KCNB2: variants seen among roughly 807,000 people sequenced by gnomAD.
KCNB2 encodes the protein delayed rectifier potassium channel protein.
KCNB2 carries 15 observed loss-of-function variants against 61.5 expected under a neutral mutation model. The ratio of observed to expected loss-of-function variants is 0.24; its 90% confidence interval spans 0.16 to 0.38. KCNB2 has a LOEUF of 0.38. Among genes scored for constraint, KCNB2 ranks in the 10% least tolerant of loss-of-function variants. KCNB2 has a pLI of 1.00. For synonymous variants in KCNB2, 457 were observed against 446.0 expected (o/e 1.02, Z -0.31); for missense variants, 828 against 1,125.2 (o/e 0.74, Z 3.78).
intron 2 of KCNB2, among the ~76,000 whole-genome samples, chr8:72,868,316 A>G (rs1202995933): frequency 6.6e-6 from 1 of 151,796 alleles, no homozygotes; most frequent in Non-Finnish European, 1.5e-5. Flanking sequence ...GCAGTGGCTC[A>G]CACCTGTAAT....
chr8:72,659,754 A>C (rs552640147), intron 2 of KCNB2, among the ~76,000 whole-genome samples: 1 of 152,292 alleles, frequency 6.6e-6, no homozygotes, highest in East Asian at 1.9e-4. Flanking sequence ...ACCAGCAAAA[A>C]CTCATTGAAG....
chr8:72,694,263 A>G lies in KCNB2; in HGVS notation c.579+125950A>G, dbSNP rs748546017. ...GGCTAGGACAAAGACTGGCTTTTAG[A>G]GGCAAATCAGTGAGTTTGCATGTGA... is the stretch of plus-strand genomic sequence containing the variant. On this transcript the variant is annotated intron_variant, in intron 2 of 2. Coordinates refer to ENST00000523207, the MANE Select transcript of KCNB2 (RefSeq NM_004770.3). Among the ~76,000 whole-genome samples the G allele has an allele frequency of 5.5e-4, 84 of 152,198 alleles. 2 individuals are homozygous for G. Among genetic ancestry groups the G allele is most frequent in the South Asian group, 4.1e-4 (2 of 4,832 alleles).
At chr8:72,885,809 A>G (rs981532636) in intron 2 of KCNB2, among the ~76,000 whole-genome samples, 1 of 152,040 alleles carries the variant, frequency 6.6e-6, no homozygotes, top group African/African-American at 2.4e-5. Context: ...TATTTTTGAG[A>G]TAGCATGTAG....
intron 2 of KCNB2, among the ~76,000 whole-genome samples, chr8:72,774,893 C>T (rs941447972): frequency 1.3e-5 from 2 of 152,014 alleles, no homozygotes; most frequent in African/African-American, 4.8e-5. Flanking sequence ...AATGAAATCT[C>T]CTGGGCTCCA....
intron 2 of KCNB2, among the ~76,000 whole-genome samples, chr8:72,672,107 A>G (rs1293525121): frequency 6.6e-6 from 1 of 152,180 alleles, no homozygotes; most frequent in Non-Finnish European, 1.5e-5. Context: ...CTAGCAAGGA[A>G]GTGACAATTC....
chr8:72,812,820 G>C (rs1050388191), intron 2 of KCNB2, among the ~76,000 whole-genome samples: 1 of 152,076 alleles, frequency 6.6e-6, no homozygotes, highest in African/African-American at 2.4e-5. Context: ...ACATTGATAT[G>C]CATAAGTTCT....
At chr8:72,911,612 T>G (rs1217491851) in intron 2 of KCNB2, among the ~76,000 whole-genome samples, 1 of 152,226 alleles carries the variant, frequency 6.6e-6, no homozygotes, top group Non-Finnish European at 1.5e-5. Context: ...GCCAGGACTT[T>G]CCAGCTGTCA....
intron 2 of KCNB2, among the ~76,000 whole-genome samples, chr8:72,927,753 T>C (rs556207619): frequency 6.6e-6 from 1 of 152,352 alleles, no homozygotes; most frequent in Admixed American, 6.5e-5. Context: ...TATACCCTTA[T>C]ATGCAGCAGT....
At chr8:72,787,488 A>AT (rs146477447) in intron 2 of KCNB2, among the ~76,000 whole-genome samples, 20 of 150,638 alleles carry the variant, frequency 1.3e-4, no homozygotes, top group African/African-American at 1.7e-4. Flanking sequence ...GTGTGGCTGA[A>AT]TTTTTTTTTT....
intron 2 of KCNB2, among the ~76,000 whole-genome samples, chr8:72,827,814 T>C (rs1809620433): frequency 7.5e-6 from 1 of 132,580 alleles, no homozygotes; most frequent in African/African-American, 2.8e-5. Context: ...ACAAGTTTCT[T>C]TCTTTTTTTT....
At chr8:72,819,934 T>C (rs1304259896) in intron 2 of KCNB2, among the ~76,000 whole-genome samples, 3 of 152,138 alleles carry the variant, frequency 2.0e-5, no homozygotes, top group Admixed American at 6.5e-5. Flanking sequence ...CATATTCTCC[T>C]ACCAGATGCC....
At chr8:72,683,752 G>C (rs1341896403) in intron 2 of KCNB2, among the ~76,000 whole-genome samples, 1 of 152,072 alleles carries the variant, frequency 6.6e-6, no homozygotes, top group African/African-American at 2.4e-5. Context: ...AGGAGGCTAA[G>C]TGGGTGCTAT....
In KCNB2 at chr8:72,937,784, G is replaced by A; in HGVS notation, c.2429G>A (p.Gly810Asp). Residue 810 changes from glycine to aspartate, a missense_variant, in exon 3 of 3, where the codon GGT becomes GAT. Around this residue, in one of 4 missense-constraint regions of KCNB2, gnomAD observed 559 missense variants for 588.4 expected, o/e 0.95. Transcript: ENST00000523207. ...AGGAGCTTCACTGAAATAGATACTG[G>A]TGACGACGAAGACTTCTTAGAGCTC... The part of the protein sequence containing the change: ...ERRSFTEIDT[G>D]DDEDFLELPG... 3 of 1,614,056 alleles carry A rather than the reference G, an allele frequency of 1.9e-6. No homozygotes were observed. The highest frequency in any genetic ancestry group is 2.5e-6 in the Non-Finnish European group (3 of 1,180,004).
intron 2 of KCNB2, among the ~76,000 whole-genome samples, chr8:72,637,911 A>G (rs1333505065): frequency 6.6e-6 from 1 of 152,160 alleles, no homozygotes; most frequent in Non-Finnish European, 1.5e-5. Context: ...CTGTGAAATA[A>G]GAAGTAAGTT....
intron 2 of KCNB2, among the ~76,000 whole-genome samples, chr8:72,730,762 A>G (rs1373843854): frequency 6.6e-6 from 1 of 152,216 alleles, no homozygotes. Context: ...CATCAGAATC[A>G]TAACGTGTAA....
chr8:72,781,628 T>G (rs1381001178), intron 2 of KCNB2, among the ~76,000 whole-genome samples: 1 of 152,228 alleles, frequency 6.6e-6, no homozygotes, highest in East Asian at 1.9e-4. Context: ...GTAGTATAGT[T>G]TGAAGTCTGG....
At chr8:72,599,148 C>T (rs972840792) in intron 2 of KCNB2, among the ~76,000 whole-genome samples, 1 of 152,130 alleles carries the variant, frequency 6.6e-6, no homozygotes, top group African/African-American at 2.4e-5. Flanking sequence ...CAAGTCAATC[C>T]TAAGCCAAAA....
At chr8:72,849,554 ACT>A (rs1392679397) in intron 2 of KCNB2, among the ~76,000 whole-genome samples, 1 of 152,138 alleles carries the variant, frequency 6.6e-6, no homozygotes, top group South Asian at 2.1e-4. Flanking sequence ...CTAAATATAA[ACT>A]CTTTTAATCT....
chr8:72,817,747 T>C (rs1297873631), intron 2 of KCNB2, among the ~76,000 whole-genome samples: 3 of 152,302 alleles, frequency 2.0e-5, no homozygotes, highest in East Asian at 1.9e-4. Context: ...TAGCAATTTT[T>C]AGGGGATTCC....
Sources: gnomAD v4.1 joint callset for allele counts (sites outside exome capture counted in the v4.1 genomes callset) on GRCh38, gnomAD v4.1.1 for gene constraint, gnomAD v4.1.1 regional missense constraint, MANE v1.5 for transcripts, NCBI Gene and HGNC (gene_info 2026-07-23, HGNC 2026-07-21) for gene names.